The following SMG6 variants were observed in gnomAD, a reference collection of about 807,000 sequenced individuals.
The protein encoded by SMG6 is SMG6 nonsense mediated mRNA decay factor.
Under a neutral mutation model 142.2 loss-of-function variants are expected in SMG6, and 66 were observed. The observed-to-expected ratio is 0.46, with a 90% CI of 0.38 to 0.57. The LOEUF (loss-of-function observed/expected upper bound fraction) is 0.57, where lower values mean the gene tolerates loss of function less well. SMG6 is among the 20% of genes least tolerant of loss of function. The pLI is 0.00. For missense variants in SMG6, 1,793 were observed against 1,832.0 expected, an observed-to-expected ratio of 0.98 and a Z score of 0.39; for synonymous variants, 779 against 702.4, an observed-to-expected ratio of 1.11 and a Z score of -1.72.
rs116901306 is a variant in SMG6 at position 2,098,482 on chromosome 17, C to G, written c.3358-12581G>C. ...CATGCTACATGCTAAGTGTGGCTGACTTTTTGGACCAGGGTAGGGTTTTAC... is the reference window on the plus strand; with the variant it reads ...CATGCTACATGCTAAGTGTGGCTGAGTTTTTGGACCAGGGTAGGGTTTTAC... On this transcript the variant is annotated intron_variant, in intron 13 of 18. Transcript: ENST00000263073. Among the ~76,000 whole-genome samples the G allele has an allele frequency of 1.6e-4, 24 of 152,288 alleles. No individual in the cohort carries two copies. In the East Asian group the frequency reaches 4.6e-3, roughly 29 times the overall value.
At chr17:2,075,728 G>C (rs900459105) in intron 15 of SMG6, among the ~76,000 whole-genome samples, 4 of 152,254 alleles carry the variant, frequency 2.6e-5, no homozygotes, top group African/African-American at 9.6e-5. Context: ...AAGAACTCAG[G>C]AGAAAAGCAG....
intron 13 of SMG6, among the ~76,000 whole-genome samples, chr17:2,130,485 G>A (rs2070083637): frequency 6.6e-6 from 1 of 151,698 alleles, no homozygotes; most frequent in Admixed American, 6.6e-5. Context: ...ATTGCTCACT[G>A]GCTCAATGGA....
intron 13 of SMG6, chr17:2,087,015 G>A (rs1245952489): frequency 7.8e-7 from 1 of 1,289,426 alleles, no homozygotes; most frequent in East Asian, 5.6e-5. Context: ...TCGTTTCTTA[G>A]TGTGAAAGGA....
At chr17:2,289,708 C>T (rs1423243818) in intron 6 of SMG6, among the ~76,000 whole-genome samples, 1 of 151,820 alleles carries the variant, frequency 6.6e-6, no homozygotes, top group Non-Finnish European at 1.5e-5. Flanking sequence ...GTCACAAGTT[C>T]AAGACCAGCC....
chr17:2,160,142 T>C (rs1002324037), intron 13 of SMG6, among the ~76,000 whole-genome samples: 5 of 152,156 alleles, frequency 3.3e-5, no homozygotes, highest in Non-Finnish European at 7.3e-5. Flanking sequence ...ACCCATACAT[T>C]CAAATGTATA....
Position 2,299,911 on chromosome 17 carries a change from C to A in SMG6, c.842G>T (p.Arg281Leu). Residue 281 changes from arginine to leucine, a missense_variant, in exon 2 of 19, where the codon CGC becomes CTC. Arg to Leu is a moderately radical substitution (Grantham distance 102). Around this residue, in one of 3 missense-constraint regions of SMG6, gnomAD observed 1,597 missense variants for 1,584.6 expected, o/e 1.01. Transcript: ENST00000263073. This position sits in a 1 kb window ranked among gnomAD's most constrained non-coding sequence, Gnocchi z 4.3. ...AGLTDNGCRR[R>L]RQDRTKERPR... is the part of the protein sequence containing the mutation. ...CCTCTCCTTGGTCCTATCCTGTCGGCGGCGGCGACATCCATTATCCGTCAG... is the reference window on the plus strand; with the variant it reads ...CCTCTCCTTGGTCCTATCCTGTCGGAGGCGGCGACATCCATTATCCGTCAG... The A allele has an allele frequency of 6.2e-7, 1 of 1,614,148 alleles. No individual in the cohort carries two copies. The highest frequency in any genetic ancestry group is 1.1e-5 in the South Asian group (1 of 91,084).
intron 13 of SMG6, among the ~76,000 whole-genome samples, chr17:2,139,246 A>G (rs912357067): frequency 6.6e-6 from 1 of 152,188 alleles, no homozygotes; most frequent in African/African-American, 2.4e-5. Context: ...CAAATGGGGT[A>G]GGTAAAATAA....
intron 13 of SMG6, among the ~76,000 whole-genome samples, chr17:2,092,622 C>T (rs2068755507): frequency 6.6e-6 from 1 of 152,164 alleles, no homozygotes; most frequent in Non-Finnish European, 1.5e-5. Flanking sequence ...GTATATTTGG[C>T]TACTAGGAAG....
At chr17:2,138,215 G>A (rs1216430483) in intron 13 of SMG6, among the ~76,000 whole-genome samples, 1 of 152,096 alleles carries the variant, frequency 6.6e-6, no homozygotes, top group Non-Finnish European at 1.5e-5. Flanking sequence ...GGTAGGCAGT[G>A]GCTGGGATTA....
intron 13 of SMG6, among the ~76,000 whole-genome samples, chr17:2,162,812 T>C (rs2071223018): frequency 6.6e-6 from 1 of 152,172 alleles, no homozygotes; most frequent in Admixed American, 6.5e-5. Flanking sequence ...AATCTTTTCT[T>C]TTCCGTATTG....
rs1222976642 is a variant in SMG6, at chr17:2,085,057, T to C, written c.3534+668A>G. ...GACACAAATAGGCAATGGCAATATA[T>C]AGGGCAGGGCAACTGCCAGTGGACT... On this transcript the variant is annotated intron_variant, in intron 14 of 18. Transcript: ENST00000263073. This position sits in a 1 kb window ranked among gnomAD's most constrained non-coding sequence, Gnocchi z 4.1. 6.6e-6 allele frequency among the ~76,000 whole-genome samples: 1 copy of C among 152,068 alleles called. No homozygotes were observed. The highest frequency in any genetic ancestry group is 1.5e-5 in the Non-Finnish European group (1 of 68,026).
intron 13 of SMG6, among the ~76,000 whole-genome samples, chr17:2,167,044 C>T (rs1357332454): frequency 2.2e-5 from 3 of 135,360 alleles, no homozygotes; most frequent in Admixed American, 8.6e-5. Flanking sequence ...GCAAGAGAAT[C>T]GTTTGAACTT....
rs973535650 is a variant in SMG6 at position 2,085,500 on chromosome 17, G to A, written c.3534+225C>T. 5.9e-5 allele frequency among the ~76,000 whole-genome samples: 9 copies of A among 152,154 alleles called. No homozygotes were observed. Among genetic ancestry groups the A allele is most frequent in the Non-Finnish European group, 1.3e-4 (9 of 68,024 alleles). ...CTTTTCCTCCCTTCTCCTCAATGCA[G>A]CATTAAAAGAAGCATCTGGAACTCG... On this transcript the variant is annotated intron_variant, in intron 14 of 18. Transcript: ENST00000263073. The surrounding 1 kb of genome is among the most constrained non-coding windows in gnomAD (Gnocchi z 4.1).
intron 13 of SMG6, among the ~76,000 whole-genome samples, chr17:2,147,386 A>G (rs745683448): frequency 1.3e-5 from 2 of 151,882 alleles, no homozygotes; most frequent in African/African-American, 2.4e-5. Flanking sequence ...GAGCAAGACT[A>G]CATCTCAAAA....
In SMG6 at chr17:2,068,779, G is replaced by C. The variant is rs754675240; in HGVS notation, c.3834C>G (p.Ile1278Met). ...CTCTGCCCTTCCCGCCTGACTCACC[G>C]ATGAGGGGCACCACCAGGATGTACT... ...SRKYILVVPL[I>M]VINELDGLAK... Residue 1278 changes from isoleucine (I) to methionine (M), a missense_variant and splice_region_variant, in exon 16 of 19, where the codon ATC (isoleucine) becomes ATG (methionine). Ile to Met is a conservative substitution (Grantham distance 10). Coordinates refer to ENST00000263073, the MANE Select transcript of SMG6 (RefSeq NM_017575.5). The surrounding 1 kb of genome is among the most constrained non-coding windows in gnomAD (Gnocchi z 6.7). 6.2e-7 allele frequency: 1 copy of C among 1,613,728 alleles called. No homozygotes were observed. Among genetic ancestry groups the C allele is most frequent in the African/African-American group, 1.3e-5 (1 of 74,944 alleles).
intron 13 of SMG6, among the ~76,000 whole-genome samples, chr17:2,093,900 C>T (rs2068790201): frequency 1.3e-5 from 2 of 152,262 alleles, no homozygotes; most frequent in Non-Finnish European, 2.9e-5. Flanking sequence ...CAGGCACGAG[C>T]CACCACTCAG....
intron 8 of SMG6, among the ~76,000 whole-genome samples, chr17:2,254,416 C>T (rs922807708): frequency 6.6e-6 from 1 of 152,202 alleles, no homozygotes; most frequent in Admixed American, 6.5e-5. Context: ...CTCACTGCAA[C>T]CTCCGCCTCT....
chr17:2,202,474 C>T (rs1013575193), intron 10 of SMG6, among the ~76,000 whole-genome samples: 4 of 152,080 alleles, frequency 2.6e-5, no homozygotes, highest in African/African-American at 9.7e-5. Flanking sequence ...ATCACTTGAG[C>T]CCGGAAGTTC....
chr17:2,140,810 G>GACCTTGTC lies in SMG6; in HGVS notation c.3357+31840_3357+31847dup, dbSNP rs549299847. ...CTTTAGGTGAAATCCATGCATGTCA[G>GACCTTGTC]ACCTTGTCTGAGCACTGCTTTTTAC... On this transcript the variant is annotated intron_variant, in intron 13 of 18. Transcript: ENST00000263073. Among the ~76,000 whole-genome samples, 14 of 151,866 alleles carry GACCTTGTC rather than the reference G, an allele frequency of 9.2e-5. No individual in the cohort carries two copies. The South Asian group carries it at 2.7e-3, about 29-fold the overall frequency.
Sources: gnomAD v4.1 joint callset for allele counts (sites outside exome capture counted in the v4.1 genomes callset) on GRCh38, gnomAD v4.1.1 for gene constraint, gnomAD v4.1.1 regional missense constraint, Gnocchi (gnomAD v3.1) non-coding constraint, MANE v1.5 for transcripts, NCBI Gene and HGNC (gene_info 2026-07-23, HGNC 2026-07-21) for gene names.